Variants in CDAN1 observed in about 807,000 individuals in gnomAD.
CDAN1 encodes codanin-1.
CDAN1 carries 107 observed loss-of-function variants against 139.8 expected under a neutral mutation model. That is an observed-to-expected ratio of 0.77 (90% CI 0.65 to 0.90). The LOEUF is 0.90. Among genes scored for constraint, CDAN1 ranks in the 40% least tolerant of loss-of-function variants. The pLI, the probability that CDAN1 is intolerant of heterozygous loss-of-function variation, is 0.00. For synonymous variants in CDAN1, 776 were observed against 660.6 expected (o/e 1.17, Z -2.68); for missense variants, 1,667 against 1,575.7 (o/e 1.06, Z -0.98).
At position 42,729,624 on chromosome 15, in the gene CDAN1, T is replaced by TG; in HGVS notation, c.2353-3dup. ...CTGGTCCACCACAGGCGCATTGTCC[T>TG]GGGGAGAAAAGGTTGGTGTCAGCAG... is the stretch of plus-strand genomic sequence containing the variant. On this transcript the variant is annotated splice_polypyrimidine_tract_variant and splice_region_variant and intron_variant, in intron 16 of 27. Transcript: ENST00000356231. 1 of 1,614,060 alleles carries TG rather than the reference T, an allele frequency of 6.2e-7. No individual in the cohort carries two copies. The highest frequency in any genetic ancestry group is 1.1e-5 in the South Asian group (1 of 91,076).
chr15:42,727,653 G>A lies in CDAN1; in HGVS notation c.3064C>T (p.Pro1022Ser). The A allele has an allele frequency of 6.3e-7, 1 of 1,585,792 alleles. No homozygotes were observed. The change falls in exon 23 of 28, where the codon CCC becomes TCC. Residue 1022 changes from proline to serine, a missense_variant. Around this residue, in one of 3 missense-constraint regions of CDAN1, gnomAD observed 936 missense variants for 844.1 expected, o/e 1.11. Transcript: ENST00000356231. ...TCGGAGATGAGGTGGGAGGGGAGGG[G>A]AGCATGGTGCTCACAGGCGCGGGAG... ...GCSRACEHHA[P>S]LPSHLISEIK...
chr15:42,736,365 G>A lies in CDAN1; in HGVS notation c.506C>T (p.Pro169Leu), dbSNP rs1279897641. 3.1e-6 allele frequency: 5 copies of A among 1,613,820 alleles called. No individual in the cohort carries two copies. The highest frequency in any genetic ancestry group is 4.2e-6 in the Non-Finnish European group (5 of 1,179,978). The part of the protein sequence containing the change: ...PSRPSLTLSD[P>L]PNLSNLEEFP... ...CTCCTCCAGGTTGCTGAGGTTTGGC[G>A]GATCAGACAGCGTGAGGCTGGGGCG... The change falls in exon 2 of 28, where the codon CCG becomes CTG. Residue 169 changes from proline to leucine, a missense_variant. Transcript: ENST00000356231.
In CDAN1 at chr15:42,724,411, G is replaced by C. The variant is rs2061495794; in HGVS notation, c.*80C>G. 6.6e-7 allele frequency: 1 copy of C among 1,525,930 alleles called. No homozygotes were observed. Among genetic ancestry groups the C allele is most frequent in the South Asian group, 1.2e-5 (1 of 83,258 alleles). 94.5% of individuals were successfully genotyped at this position (1,525,930 alleles called of 1,614,324 possible). On this transcript the variant is annotated 3_prime_UTR_variant, in exon 28 of 28. Transcript: ENST00000356231. Reference sequence around the variant, plus strand: ...GCTACACCCCAACCAGTGAGGGTCTGCATTGGGCACTTGGGCCTCCTCGTG... The same window carrying C: ...GCTACACCCCAACCAGTGAGGGTCTCCATTGGGCACTTGGGCCTCCTCGTG...
At position 42,732,323 on chromosome 15, in the gene CDAN1, G is replaced by T. The variant is rs780914937; in HGVS notation, c.1533+10C>A. The T allele has an allele frequency of 1.9e-6, 3 of 1,613,290 alleles. No individual in the cohort carries two copies. In the Admixed American group the frequency reaches 5.0e-5, roughly 27 times the overall value. ...TTTAATGTGGATTAATCTCTTGCTGGGGCTGTTACCTGGAGTAGTTGTTTT... is the reference window on the plus strand; with the variant it reads ...TTTAATGTGGATTAATCTCTTGCTGTGGCTGTTACCTGGAGTAGTTGTTTT... On this transcript the variant is annotated intron_variant, in intron 10 of 27. Coordinates refer to ENST00000356231, the MANE Select transcript of CDAN1 (RefSeq NM_138477.4).
chr15:42,736,275 A>G, intron 2 of CDAN1, 27 bp downstream of exon 2: 2 of 1,612,778 alleles, frequency 1.2e-6, no homozygotes, highest in East Asian at 4.5e-5. Context: ...CGTGGTACCC[A>G]TCTCCTGCAT....
At position 42,736,566 on chromosome 15, in the gene CDAN1, G is replaced by A; in HGVS notation, c.305C>T (p.Pro102Leu). The stretch of plus-strand genomic sequence containing the variant: ...AGCGGTGCTCTGGGCCTCGGTCGGA[G>A]GGAAAAGCTGGCTGCGCGCCCCGCG... ...GSRGARSQLF[P>L]PTEAQSTAAE... Residue 102 changes from proline (P) to leucine (L), a missense_variant, in exon 2 of 28, where the codon CCT (proline) becomes CTT (leucine). Transcript: ENST00000356231. 1 of 1,487,380 alleles carries A rather than the reference G, an allele frequency of 6.7e-7. No individual in the cohort carries two copies. Among genetic ancestry groups the A allele is most frequent in the African/African-American group, 1.5e-5 (1 of 68,234 alleles). The allele number at this position is 1,487,380 out of a possible 1,614,324, so 92.1% of individuals were successfully genotyped here. A position where few individuals can be genotyped will look rare whatever the true frequency, so the allele number is the denominator to read the frequency against.
chr15:42,727,973 G>T lies in CDAN1; in HGVS notation c.2929C>A (p.Leu977Met). The T allele has an allele frequency of 1.2e-6, 2 of 1,614,104 alleles. No homozygotes were observed. Among genetic ancestry groups the T allele is most frequent in the Non-Finnish European group, 1.7e-6 (2 of 1,179,936 alleles). ...ACCTTACCTGTGATGTTGGCTGACA[G>T]CCAAGCACAGGCTTTCTCTGTTGCA... The part of the protein sequence containing the change: ...GLATEKACAW[L>M]SANITALIRR... Residue 977 changes from leucine to methionine, a missense_variant, in exon 22 of 28, where the codon CTG (leucine) becomes ATG (methionine). Coordinates refer to ENST00000356231, the MANE Select transcript of CDAN1 (RefSeq NM_138477.4).
chr15:42,725,688 C>A lies in CDAN1; in HGVS notation c.3269-18G>T, dbSNP rs2061516873. 4 of 1,613,676 alleles carry A rather than the reference C, an allele frequency of 2.5e-6. No individual in the cohort carries two copies. The East Asian group carries it at 8.9e-5, about 36-fold the overall frequency. ...ATCTGCAACTGTGGAAAGAGGAAAG[C>A]CAAGCTTTAAAAGATGGGGGCAGGC... is the stretch of plus-strand genomic sequence containing the variant. On this transcript the variant is annotated intron_variant, in intron 25 of 27. Transcript: ENST00000356231.
chr15:42,730,267 G>A (rs536647503), intron 14 of CDAN1, 52 bp from the exon 15 acceptor site: 1 of 1,491,570 alleles, frequency 6.7e-7, no homozygotes, highest in South Asian at 1.1e-5. Flanking sequence ...GGAAGGGAAT[G>A]GAGGCAAACG....
intron 23 of CDAN1, chr15:42,726,715 G>A (rs987437558): frequency 1.0e-5 from 5 of 483,240 alleles, no homozygotes; most frequent in African/African-American, 1.9e-5. Context: ...AACTCCCATA[G>A]GGCATCTTAT....
Position 42,733,262 on chromosome 15 carries a change from G to A in CDAN1, c.1368-76C>T, listed in dbSNP as rs142692209. The A allele has an allele frequency of 4.6e-4, 564 of 1,235,550 alleles. 2 individuals carry two copies. The African/African-American group carries it at 7.2e-3, about 16-fold the overall frequency. The allele number at this position is 1,235,550 out of a possible 1,614,324, so 76.5% of individuals were successfully genotyped here. A position where few individuals can be genotyped will look rare whatever the true frequency, so the allele number is the denominator to read the frequency against. ...CTTCCTGCCCCTGGAAGAACTATCCGTAGCCCACCCACCACCTTTTTTTTT... is the reference window on the plus strand; with the variant it reads ...CTTCCTGCCCCTGGAAGAACTATCCATAGCCCACCCACCACCTTTTTTTTT... On this transcript the variant is annotated intron_variant, in intron 8 of 27. Coordinates refer to ENST00000356231, the MANE Select transcript of CDAN1 (RefSeq NM_138477.4).
chr15:42,728,397 G>T, intron 20 of CDAN1, 130 bp from the exon 21 acceptor site: 2 of 595,566 alleles, frequency 3.4e-6, no homozygotes, highest in Non-Finnish European at 5.9e-6. Context: ...TTGCCCTCCC[G>T]CCCCACCCCA....
rs778474902 is a variant in CDAN1, at chr15:42,735,689, A to G, written c.774-10T>C. ...CTGCAGCTGCTTAGAGCTATGGAATAAAGAAATTTCATGAGCAGTCAGCTT... is the reference window on the plus strand; with the variant it reads ...CTGCAGCTGCTTAGAGCTATGGAATGAAGAAATTTCATGAGCAGTCAGCTT... On this transcript the variant is annotated splice_polypyrimidine_tract_variant and intron_variant, in intron 3 of 27. Transcript: ENST00000356231. The G allele has an allele frequency of 5.0e-6, 8 of 1,613,806 alleles. No homozygotes were observed. In the Admixed American group the frequency reaches 5.0e-5, roughly 10 times the overall value.
Position 42,736,575 on chromosome 15 carries a change from T to C in CDAN1, c.296A>G (p.Gln99Arg), listed in dbSNP as rs2061691306. Residue 99 changes from glutamine to arginine, a missense_variant, in exon 2 of 28, where the codon CAG becomes CGG. Physicochemically the swap from Gln to Arg is conservative, Grantham distance 43 (BLOSUM62 1). This residue lies in a region of CDAN1 where 487 missense variants were observed against 422.2 expected (regional missense o/e 1.15). Coordinates refer to ENST00000356231, the MANE Select transcript of CDAN1 (RefSeq NM_138477.4). ...PPRGSRGARS[Q>R]LFPPTEAQST... ...CTGGGCCTCGGTCGGAGGGAAAAGC[T>C]GGCTGCGCGCCCCGCGGCTACCCCG... The C allele has an allele frequency of 2.7e-6, 4 of 1,488,914 alleles. No homozygotes were observed. The highest frequency in any genetic ancestry group is 2.9e-5 in the African/African-American group (2 of 68,126). The allele number at this position is 1,488,914 out of a possible 1,614,324, so 92.2% of individuals were successfully genotyped here.
At chr15:42,725,442 AT>A (rs757742458) in intron 26 of CDAN1, 46 bp downstream of exon 26, 7 of 1,609,200 alleles carry the variant, frequency 4.3e-6, no homozygotes, top group Non-Finnish European at 2.6e-6. Flanking sequence ...AGGGTGGTGG[AT>A]GTTCAGAGTG....
chr15:42,729,343 G>A lies in CDAN1; in HGVS notation c.2427C>T (p.Leu809=), dbSNP rs769411859. 57 of 1,614,036 alleles carry A rather than the reference G, an allele frequency of 3.5e-5. 1 individual carries two copies. The highest frequency in any genetic ancestry group is 4.0e-5 in the African/African-American group (3 of 74,912). ...CPYIGELRKL[L]ASWVSGSSGR... ...CACTACTGCCTGACACCCACGAAGC[G>A]AGCAGTTTCCGGAGCTCTCCTGTAT... The change falls in exon 18 of 28, where the codon CTC becomes CTT. Residue 809 remains leucine (L), a synonymous_variant. Transcript: ENST00000356231.
At chr15:42,726,874 C>T in intron 23 of CDAN1, 1 of 189,734 alleles carries the variant, frequency 5.3e-6, no homozygotes, top group East Asian at 1.4e-4. Flanking sequence ...GGCCACTAAG[C>T]CTCTTCCTCT....
chr15:42,737,002 A>T lies in CDAN1; in HGVS notation c.90+11T>A. On this transcript the variant is annotated intron_variant, in intron 1 of 27. Transcript: ENST00000356231. ...TTCGAGTCAGACCTGGGGGCGTGTCACCGCTGTTACCTCCGAACCCTGGGT... is the reference window on the plus strand; with the variant it reads ...TTCGAGTCAGACCTGGGGGCGTGTCTCCGCTGTTACCTCCGAACCCTGGGT... The T allele has an allele frequency of 6.5e-7, 1 of 1,541,768 alleles. No homozygotes were observed. The highest frequency in any genetic ancestry group is 8.8e-7 in the Non-Finnish European group (1 of 1,141,786).
chr15:42,728,560 G>A (rs543119360), intron 20 of CDAN1, 92 bp downstream of exon 20: 1 of 1,538,940 alleles, frequency 6.5e-7, no homozygotes, highest in African/African-American at 1.4e-5. Flanking sequence ...GGCATGAAGA[G>A]AAGAAAGGGA....
Sources: allele counts gnomAD v4.1 joint callset, GRCh38; gene constraint gnomAD v4.1.1; regional missense constraint gnomAD v4.1.1; transcripts MANE v1.5; gene names NCBI Gene and HGNC (gene_info 2026-07-23, HGNC 2026-07-21).